Variants in SINHCAF observed in about 807,000 individuals in gnomAD.
SINHCAF encodes SIN3-HDAC complex associated factor, also known as SIN3-HDAC complex-associated factor.
Under a neutral mutation model 25.8 loss-of-function variants are expected in SINHCAF, and 3 were observed. The observed-to-expected ratio is 0.12, with a 90% CI of 0.05 to 0.30. The LOEUF is 0.30. Ranked by LOEUF, SINHCAF falls within the 10% of genes least tolerant of loss-of-function variation. The pLI is 1.00. For missense variants in SINHCAF, 121 were observed against 262.3 expected, an observed-to-expected ratio of 0.46 and a Z score of 3.72; for synonymous variants, 70 against 85.5, an observed-to-expected ratio of 0.82 and a Z score of 1.00.
intron 1 of SINHCAF, among the ~76,000 whole-genome samples, chr12:31,308,824 C>G (rs1346741034): frequency 6.6e-6 from 1 of 151,910 alleles, no homozygotes; most frequent in African/African-American, 2.4e-5. Context: ...TACAGAGATC[C>G]GCAACTGAAA....
intron 1 of SINHCAF, among the ~76,000 whole-genome samples, chr12:31,320,013 T>A (rs537302544): frequency 4.9e-4 from 75 of 152,304 alleles, no homozygotes; most frequent in African/African-American, 1.7e-3. Context: ...AGAAATTCTG[T>A]TTCTTCCTTC....
chr12:31,309,822 C>T (rs879605943), intron 1 of SINHCAF, among the ~76,000 whole-genome samples: 4 of 151,996 alleles, frequency 2.6e-5, no homozygotes, highest in African/African-American at 7.3e-5. Context: ...TGCACCACCA[C>T]GCTCGGCTAA....
At chr12:31,323,704 CT>C (rs1297116668) in intron 1 of SINHCAF, among the ~76,000 whole-genome samples, 4 of 152,138 alleles carry the variant, frequency 2.6e-5, no homozygotes, top group Non-Finnish European at 5.9e-5. Flanking sequence ...CCCCCACCCC[CT>C]AGAAACACAC....
chr12:31,313,181 C>T (rs557621347), intron 1 of SINHCAF, among the ~76,000 whole-genome samples: 4 of 152,088 alleles, frequency 2.6e-5, no homozygotes, highest in Admixed American at 6.5e-5. Context: ...CCCGCCACCA[C>T]GCCCAGCTAT....
intron 5 of SINHCAF, 28 bp from the exon 6 acceptor site, chr12:31,282,899 CATT>C: frequency 6.5e-7 from 1 of 1,527,176 alleles, no homozygotes; most frequent in Non-Finnish European, 8.8e-7. Context: ...GAACAAGATA[CATT>C]AATAAGGAAG....
chr12:31,295,337 A>T lies in SINHCAF; in HGVS notation c.129-4T>A. 2 of 1,584,364 alleles carry T rather than the reference A, an allele frequency of 1.3e-6. No individual in the cohort carries two copies. The highest frequency in any genetic ancestry group is 1.7e-6 in the Non-Finnish European group (2 of 1,156,952). On this transcript the variant is annotated splice_polypyrimidine_tract_variant and splice_region_variant and intron_variant, in intron 2 of 5. Transcript: ENST00000337682. ...TCCTGAACGAGTCTCATGCAATCTG[A>T]TAAGAAAACAATCAAACCTTTATCA...
At chr12:31,285,414 TACATACACAC>T (rs1938006281) in intron 5 of SINHCAF, among the ~76,000 whole-genome samples, 2 of 43,916 alleles carry the variant, frequency 4.6e-5, no homozygotes, top group African/African-American at 1.4e-4. Context: ...TTTATATATA[TACATACACAC>T]ACACACACAC....
intron 1 of SINHCAF, chr12:31,303,287 T>G: frequency 2.2e-6 from 2 of 915,588 alleles, no homozygotes; most frequent in Non-Finnish European, 2.6e-6. Flanking sequence ...TGATCATACT[T>G]CATGTCCTTT....
rs1297825862 is a variant in SINHCAF at position 31,293,968 on chromosome 12, A to T, written c.229-37T>A. ...TACTGAATATTTAATAATATTTTTA[A>T]AATGACACCAGTGTATCCCTTTGGT... On this transcript the variant is annotated intron_variant, in intron 3 of 5. Transcript: ENST00000337682. 1.9e-6 allele frequency: 3 copies of T among 1,538,868 alleles called. No individual in the cohort carries two copies. In the South Asian group the frequency reaches 3.7e-5, roughly 19 times the overall value.
rs144739571 is a variant in SINHCAF, at chr12:31,320,010, C to A, written c.-21+6014G>T. Among the ~76,000 whole-genome samples the A allele has an allele frequency of 7.6e-4, 116 of 152,314 alleles. 1 individual carries two copies. Among genetic ancestry groups the A allele is most frequent in the Non-Finnish European group, 1.3e-3 (88 of 68,022 alleles). ...ATTTATTGTGAAGTCCTTAGAAATT[C>A]TGTTTCTTCCTTCACTTCCATCCCC... is the stretch of plus-strand genomic sequence containing the variant. On this transcript the variant is annotated intron_variant, in intron 1 of 5. Transcript: ENST00000337682.
chr12:31,321,657 T>C (rs1939697490), intron 1 of SINHCAF, among the ~76,000 whole-genome samples: 1 of 152,162 alleles, frequency 6.6e-6, no homozygotes, highest in Admixed American at 6.5e-5. Context: ...AACCCAAGCA[T>C]TACTAACCCA....
intron 5 of SINHCAF, among the ~76,000 whole-genome samples, chr12:31,285,967 T>C (rs1431486972): frequency 1.4e-5 from 2 of 146,058 alleles, no homozygotes; most frequent in Admixed American, 6.8e-5. Flanking sequence ...AGAGTGAAAC[T>C]CTGTCTCAAA....
intron 4 of SINHCAF, among the ~76,000 whole-genome samples, chr12:31,292,886 T>G (rs1288239022): frequency 6.6e-6 from 1 of 152,172 alleles, no homozygotes; most frequent in Non-Finnish European, 1.5e-5. Context: ...ATGTTCTCTC[T>G]AACAGGGCCC....
At chr12:31,302,997 T>G in intron 1 of SINHCAF, 3 of 985,276 alleles carry the variant, frequency 3.0e-6, no homozygotes, top group Non-Finnish European at 3.6e-6. Context: ...TCTGACACTA[T>G]CATCAATCAT....
chr12:31,296,539 C>G (rs571795404), intron 2 of SINHCAF, among the ~76,000 whole-genome samples: 1 of 152,006 alleles, frequency 6.6e-6, no homozygotes, highest in East Asian at 1.9e-4. Flanking sequence ...ATTCCAGTTT[C>G]GCAGCAAACA....
intron 5 of SINHCAF, among the ~76,000 whole-genome samples, chr12:31,285,412 T>TACACACACACACAC (rs1259370271): frequency 3.0e-5 from 2 of 66,434 alleles, no homozygotes; most frequent in African/African-American, 1.6e-4. Flanking sequence ...TATTTATATA[T>TACACACACACACAC]ATACATACAC....
At chr12:31,288,589 C>T (rs949051391) in intron 4 of SINHCAF, among the ~76,000 whole-genome samples, 32 of 151,526 alleles carry the variant, frequency 2.1e-4, no homozygotes, top group African/African-American at 7.1e-4. Flanking sequence ...CCTCAGATGT[C>T]AATGGAGGTT....
chr12:31,322,683 A>G (rs1939744887), intron 1 of SINHCAF, among the ~76,000 whole-genome samples: 1 of 151,898 alleles, frequency 6.6e-6, no homozygotes, highest in South Asian at 2.1e-4. Context: ...CAAAATAATG[A>G]AAAAAAATGG....
intron 1 of SINHCAF, among the ~76,000 whole-genome samples, chr12:31,305,613 G>T (rs12300996): frequency 6.6e-6 from 1 of 151,406 alleles, no homozygotes; most frequent in Non-Finnish European, 1.5e-5. Context: ...TTAGCCAATT[G>T]TGTTATTATT....
Sources: allele counts gnomAD v4.1 joint callset (sites outside exome capture counted in the v4.1 genomes callset), GRCh38; gene constraint gnomAD v4.1.1; transcripts MANE v1.5; gene names NCBI Gene and HGNC (gene_info 2026-07-23, HGNC 2026-07-21).